Variants in CNTN6 observed in about 807,000 individuals in gnomAD.
The protein encoded by CNTN6 is contactin 6, also known as contactin-6.
In CNTN6, 137 loss-of-function variants were observed where a neutral mutation model predicts 122.8. The ratio of observed to expected loss-of-function variants is 1.12; its 90% CI spans 0.97 to 1.29. CNTN6 has a LOEUF of 1.29. Among genes scored for constraint, CNTN6 ranks in the 50% most tolerant of loss-of-function variants. The probability of loss-of-function intolerance (pLI) is 0.00; values close to 1 mark genes in which losing one functional copy is unlikely to be tolerated. For synonymous variants in CNTN6, 570 were observed against 426.0 expected, an observed-to-expected ratio of 1.34 and a Z score of -4.16; for missense variants, 1,634 against 1,223.4, an observed-to-expected ratio of 1.34 and a Z score of -5.01.
intron 4 of CNTN6, among the ~76,000 whole-genome samples, chr3:1,245,315 T>TC: frequency 4.5e-5 from 1 of 21,990 alleles, no homozygotes; most frequent in East Asian, 2.7e-3. Context: ...TATATATATA[T>TC]ATATATATAT....
chr3:1,235,106 C>G lies in CNTN6; in HGVS notation c.358+7113C>G, dbSNP rs566775869. Among the ~76,000 whole-genome samples, 3 of 152,220 alleles carry G rather than the reference C, an allele frequency of 2.0e-5. No homozygotes were observed. In the South Asian group the frequency reaches 6.2e-4, roughly 32 times the overall value. ...TCAGAAATGGTACTTTTTCAAAATTCAGGCCTTCTCCCACTGCCTACTTCT... is the reference window on the plus strand; with the variant it reads ...TCAGAAATGGTACTTTTTCAAAATTGAGGCCTTCTCCCACTGCCTACTTCT... On this transcript the variant is annotated intron_variant, in intron 4 of 22. Coordinates refer to ENST00000446702, the MANE Select transcript of CNTN6 (RefSeq NM_001289080.2).
intron 2 of CNTN6, among the ~76,000 whole-genome samples, chr3:1,192,774 C>T (rs1000091642): frequency 6.6e-6 from 1 of 151,994 alleles, no homozygotes; most frequent in African/African-American, 2.4e-5. Context: ...TTAAAACTGC[C>T]CTTGAATATG....
chr3:1,362,841 GA>G lies in CNTN6; in HGVS notation c.1493-9455del, dbSNP rs1484615215. Among the ~76,000 whole-genome samples the G allele has an allele frequency of 2.0e-5, 3 of 151,290 alleles. No individual in the cohort carries two copies. In the East Asian group the frequency reaches 5.8e-4, roughly 29 times the overall value. On this transcript the variant is annotated intron_variant, in intron 12 of 22. Transcript: ENST00000446702. ...AGTCCCAATTCAGACAAATGCAAAG[GA>G]AAGCCTAGCTAAGCACACAGTAGCA...
chr3:1,299,755 A>C (rs1015592390), intron 7 of CNTN6, among the ~76,000 whole-genome samples: 1 of 152,210 alleles, frequency 6.6e-6, no homozygotes, highest in Non-Finnish European at 1.5e-5. Context: ...AAATCCTGGG[A>C]GACAGATTCA....
At chr3:1,169,535 G>T (rs574220281) in intron 2 of CNTN6, among the ~76,000 whole-genome samples, 1 of 152,200 alleles carries the variant, frequency 6.6e-6, no homozygotes, top group African/African-American at 2.4e-5. Flanking sequence ...TTAACGAGGG[G>T]CTAGAAAAAT....
chr3:1,352,311 A>C lies in CNTN6; in HGVS notation c.1365-13A>C. On this transcript the variant is annotated splice_polypyrimidine_tract_variant and intron_variant, in intron 11 of 22. Coordinates refer to ENST00000446702, the MANE Select transcript of CNTN6 (RefSeq NM_001289080.2). ...AGAGCCTTACTTCTATTAATGATGTATTTTCTTTTTAGAATATTTCTCTTG... is the reference window on the plus strand; with the variant it reads ...AGAGCCTTACTTCTATTAATGATGTCTTTTCTTTTTAGAATATTTCTCTTG... 4 of 1,499,914 alleles carry C rather than the reference A, an allele frequency of 2.7e-6. No homozygotes were observed. Among genetic ancestry groups the C allele is most frequent in the Non-Finnish European group, 3.6e-6 (4 of 1,117,676 alleles). 92.9% of individuals were successfully genotyped at this position (1,499,914 alleles called of 1,614,324 possible). A position where few individuals can be genotyped will look rare whatever the true frequency, so the allele number is the denominator to read the frequency against.
At chr3:1,179,752 A>AT (rs2093519305) in intron 2 of CNTN6, among the ~76,000 whole-genome samples, 1 of 151,988 alleles carries the variant, frequency 6.6e-6, no homozygotes, top group Non-Finnish European at 1.5e-5. Flanking sequence ...TACCACAGTC[A>AT]TTTTTTTGTG....
At chr3:1,371,308 G>T (rs1420204240) in intron 12 of CNTN6, among the ~76,000 whole-genome samples, 1 of 151,708 alleles carries the variant, frequency 6.6e-6, no homozygotes, top group Non-Finnish European at 1.5e-5. Context: ...GATTCTCCAT[G>T]GGTCATTTCA....
In CNTN6 at chr3:1,291,888, G is replaced by A. The variant is rs1286999779; in HGVS notation, c.455-3713G>A. ...ATGAGAACAGCACGAGCATCTCAAA[G>A]CATTTTTCAAAAATTAAAAGCAAAT... On this transcript the variant is annotated intron_variant, in intron 5 of 22. Coordinates refer to ENST00000446702, the MANE Select transcript of CNTN6 (RefSeq NM_001289080.2). Among the ~76,000 whole-genome samples the A allele has an allele frequency of 4.6e-5, 7 of 152,062 alleles. No homozygotes were observed. The East Asian group carries it at 5.8e-4, about 13-fold the overall frequency.
intron 20 of CNTN6, among the ~76,000 whole-genome samples, chr3:1,394,015 C>CTGAT (rs1009190502): frequency 6.6e-6 from 1 of 152,048 alleles, no homozygotes; most frequent in Non-Finnish European, 1.5e-5. Context: ...CTGGGTGGAT[C>CTGAT]TGATTGCCCA....
chr3:1,184,003 C>T (rs1490112495), intron 2 of CNTN6, among the ~76,000 whole-genome samples: 1 of 152,188 alleles, frequency 6.6e-6, no homozygotes, highest in African/African-American at 2.4e-5. Flanking sequence ...ATTTTCAGTT[C>T]CTTGCAATTA....
At chr3:1,264,147 C>G (rs112440437) in intron 4 of CNTN6, among the ~76,000 whole-genome samples, 216 of 152,058 alleles carry the variant, frequency 1.4e-3, no homozygotes, top group African/African-American at 5.0e-3. Flanking sequence ...TATTTAAAGT[C>G]ATCTTTATTT....
intron 4 of CNTN6, among the ~76,000 whole-genome samples, chr3:1,244,375 G>A (rs898203454): frequency 1.1e-4 from 16 of 149,830 alleles, no homozygotes; most frequent in African/African-American, 3.7e-4. Flanking sequence ...AGGGGTTGAG[G>A]GGTACTTGGC....
At chr3:1,336,074 C>CAAA (rs1397901310) in intron 11 of CNTN6, among the ~76,000 whole-genome samples, 2 of 151,188 alleles carry the variant, frequency 1.3e-5, no homozygotes, top group African/African-American at 4.9e-5. Context: ...ACAACAACAA[C>CAAA]AAAAAAATCC....
At chr3:1,099,499 A>G (rs1266116853) in intron 1 of CNTN6, among the ~76,000 whole-genome samples, 4 of 152,094 alleles carry the variant, frequency 2.6e-5, no homozygotes, top group African/African-American at 9.7e-5. Context: ...TCTAGGATAT[A>G]TTTCACCTTA....
chr3:1,142,861 T>C (rs1448200601), intron 1 of CNTN6, among the ~76,000 whole-genome samples: 1 of 151,770 alleles, frequency 6.6e-6, no homozygotes, highest in East Asian at 1.9e-4. Context: ...TTTCTATATA[T>C]TTATAAATTT....
At chr3:1,122,737 T>C (rs1389650419) in intron 1 of CNTN6, among the ~76,000 whole-genome samples, 4 of 151,904 alleles carry the variant, frequency 2.6e-5, no homozygotes, top group Non-Finnish European at 5.9e-5. Flanking sequence ...TCACTTAGTA[T>C]AATATTTTCA....
intron 10 of CNTN6, among the ~76,000 whole-genome samples, chr3:1,328,777 C>G (rs1339291253): frequency 6.6e-6 from 1 of 151,620 alleles, no homozygotes; most frequent in Non-Finnish European, 1.5e-5. Context: ...GAAAGAACTT[C>G]AGTTCACTTG....
chr3:1,310,940 G>C (rs1034864592), intron 7 of CNTN6, among the ~76,000 whole-genome samples: 18 of 152,170 alleles, frequency 1.2e-4, no homozygotes, highest in East Asian at 3.9e-4. Context: ...GGCAGAAGTT[G>C]CTGTGAGCTG....
Sources: allele counts gnomAD v4.1 joint callset (sites outside exome capture counted in the v4.1 genomes callset), GRCh38; gene constraint gnomAD v4.1.1; transcripts MANE v1.5; gene names NCBI Gene and HGNC (gene_info 2026-07-23, HGNC 2026-07-21).